Variants in NPIPB8 observed in about 807,000 individuals in gnomAD.
NPIPB8 encodes the protein nuclear pore complex-interacting protein family member B8.
A neutral mutation model predicts 5.3 loss-of-function variants in NPIPB8; 3 were observed. That is an observed-to-expected ratio of 0.57 (90% CI 0.26 to 1.47). The LOEUF (loss-of-function observed/expected upper bound fraction) is 1.47, where lower values mean the gene tolerates loss of function less well. Ranked by LOEUF, NPIPB8 falls within the 40% of genes most tolerant of loss-of-function variation. The pLI, the probability that NPIPB8 is intolerant of heterozygous loss-of-function variation, is 0.13. For synonymous variants in NPIPB8, 18 were observed against 23.0 expected (o/e 0.78, Z 0.62); for missense variants, 50 against 50.2 (o/e 1.00, Z 0.01).
At chr16:28,646,202 A>AT (rs1192097617) in intron 2 of NPIPB8, among the ~76,000 whole-genome samples, 14 of 13,210 alleles carry the variant, frequency 1.1e-3, no homozygotes, top group East Asian at 2.8e-3. Context: ...CACCTTGGTA[A>AT]TTTTTTTTTT....
In NPIPB8 at chr16:28,642,373, G is replaced by A. The variant is rs1041200484; in HGVS notation, c.120+3893G>A. Reference sequence around the variant, plus strand: ...CCTACCTCAGCCTCCCAGAGTGCTGGGATTACAGGTGTGAGCCACCATGCC... The same window carrying A: ...CCTACCTCAGCCTCCCAGAGTGCTGAGATTACAGGTGTGAGCCACCATGCC... On this transcript the variant is annotated intron_variant, in intron 2 of 7. Transcript: ENST00000683297. Among the ~76,000 whole-genome samples the A allele has an allele frequency of 2.2e-4, 33 of 152,222 alleles. 1 individual carries two copies. The highest frequency in any genetic ancestry group is 7.0e-4 in the African/African-American group (29 of 41,530).
intron 2 of NPIPB8, among the ~76,000 whole-genome samples, chr16:28,641,208 C>T (rs1427945283): frequency 6.6e-6 from 1 of 151,664 alleles, no homozygotes; most frequent in Non-Finnish European, 1.5e-5. Context: ...TAGAGAGATG[C>T]TCCATGAGGC....
intron 2 of NPIPB8, among the ~76,000 whole-genome samples, chr16:28,639,127 T>C (rs1019042057): frequency 2.0e-5 from 3 of 147,716 alleles, no homozygotes; most frequent in African/African-American, 7.5e-5. Flanking sequence ...CAACAGCTTC[T>C]AAACTACTTT....
chr16:28,639,428 GACACACACACAC>G (rs1040391463), intron 2 of NPIPB8, among the ~76,000 whole-genome samples: 1 of 135,436 alleles, frequency 7.4e-6, no homozygotes, highest in African/African-American at 3.0e-5. Flanking sequence ...CACACACACA[GACACACACACAC>G]ACACATATAT....
At chr16:28,650,795 T>C (rs2048028608) in intron 3 of NPIPB8, among the ~76,000 whole-genome samples, 1 of 14,812 alleles carries the variant, frequency 6.8e-5, no homozygotes, top group African/African-American at 7.2e-4. Context: ...AGAAGGAAGA[T>C]GCTCCAGTGC....
At chr16:28,639,935 A>C (rs1302982043) in intron 2 of NPIPB8, among the ~76,000 whole-genome samples, 3 of 150,966 alleles carry the variant, frequency 2.0e-5, no homozygotes, top group African/African-American at 7.4e-5. Context: ...TGCATCATGA[A>C]GCTACATGGC....
In NPIPB8 at chr16:28,644,580, G is replaced by A. The variant is rs778667778; in HGVS notation, c.121-3555G>A. On this transcript the variant is annotated intron_variant, in intron 2 of 7. Coordinates refer to ENST00000683297, the MANE Select transcript of NPIPB8 (RefSeq NM_001310136.2). ...CTGGACACCTCAGGGCGCCCTGAAAGGACCAGGACATGCGGCTGCGCTTTT... is the reference window on the plus strand; with the variant it reads ...CTGGACACCTCAGGGCGCCCTGAAAAGACCAGGACATGCGGCTGCGCTTTT... 5 of 1,470,858 alleles carry A rather than the reference G, an allele frequency of 3.4e-6. No homozygotes were observed. In the East Asian group the frequency reaches 8.3e-5, roughly 24 times the overall value. The allele number at this position is 1,470,858 out of a possible 1,614,324, so 91.1% of individuals were successfully genotyped here.
chr16:28,641,504 G>A (rs141160925), intron 2 of NPIPB8, among the ~76,000 whole-genome samples: 3,317 of 141,640 alleles, frequency 0.023, 238 homozygotes, highest in African/African-American at 0.079. Context: ...ATCCCCAGGA[G>A]TGCCCAGACC....
intron 2 of NPIPB8, among the ~76,000 whole-genome samples, chr16:28,640,342 C>G (rs2047873542): frequency 6.6e-6 from 1 of 152,128 alleles, no homozygotes; most frequent in South Asian, 2.1e-4. Context: ...CTCCTGTGCC[C>G]TGTGCCCCAC....
chr16:28,645,328 A>C (rs997795308), intron 2 of NPIPB8, among the ~76,000 whole-genome samples: 1 of 83,778 alleles, frequency 1.2e-5, no homozygotes, highest in African/African-American at 4.4e-5. Context: ...CGCCTGGCCA[A>C]AATATATAAC....
Position 28,638,137 on chromosome 16 carries a change from A to T in NPIPB8, c.-52A>T. 1.5e-6 allele frequency: 1 copy of T among 646,378 alleles called. No homozygotes were observed. The highest frequency in any genetic ancestry group is 2.9e-5 in the East Asian group (1 of 34,608). The allele number at this position is 646,378 out of a possible 1,614,324, so 40.0% of individuals were successfully genotyped here. A position where few individuals can be genotyped will look rare whatever the true frequency, so the allele number is the denominator to read the frequency against. ...TGAAACTATTGTTCCTGTTTCACAC[A>T]GAAGAAAACTGAGGTTAAAAGGGGT... On this transcript the variant is annotated 5_prime_UTR_variant, in exon 1 of 8. It introduces an in-frame stop codon into an upstream open reading frame of the 5' UTR. Coordinates refer to ENST00000683297, the MANE Select transcript of NPIPB8 (RefSeq NM_001310136.2).
At chr16:28,639,097 T>C (rs1334861569) in intron 2 of NPIPB8, among the ~76,000 whole-genome samples, 1 of 147,154 alleles carries the variant, frequency 6.8e-6, no homozygotes, top group Non-Finnish European at 1.5e-5. Context: ...TCCTGCAAAA[T>C]TTGAAAAGGA....
In NPIPB8 at chr16:28,644,215, G is replaced by T. The variant is rs556864311; in HGVS notation, c.121-3920G>T. 5.6e-5 allele frequency among the ~76,000 whole-genome samples: 5 copies of T among 89,682 alleles called. 2 individuals are homozygous for T. The highest frequency in any genetic ancestry group is 1.0e-4 in the Non-Finnish European group (5 of 48,224). 58.8% of individuals were successfully genotyped at this position (89,682 alleles called of 152,430 possible). A position where few individuals can be genotyped will look rare whatever the true frequency, so the allele number is the denominator to read the frequency against. ...AGAACCTTTTTGTCTCCCTCTCATT[G>T]CTCCTAAGCCTCACGCTCCCTTGTC... On this transcript the variant is annotated intron_variant, in intron 2 of 7. Transcript: ENST00000683297.
intron 2 of NPIPB8, among the ~76,000 whole-genome samples, chr16:28,641,118 A>G (rs3987687): frequency 1.4e-4 from 22 of 152,060 alleles, no homozygotes; most frequent in South Asian, 4.2e-4. Flanking sequence ...CCAAAACATC[A>G]TGGGGCCTGA....
chr16:28,642,240 G>A (rs1188203694), intron 2 of NPIPB8, among the ~76,000 whole-genome samples: 1 of 151,480 alleles, frequency 6.6e-6, no homozygotes, highest in Non-Finnish European at 1.5e-5. Context: ...TGAGTAGCTG[G>A]GATTACAGGT....
chr16:28,644,674 C>T (rs1299476841), intron 2 of NPIPB8: 10 of 1,371,254 alleles, frequency 7.3e-6, no homozygotes, highest in Admixed American at 2.4e-5. Context: ...ACGCTGGACC[C>T]GCGGGGTTTC....
intron 5 of NPIPB8, among the ~76,000 whole-genome samples, chr16:28,652,901 C>CTTTT (rs1197252358): frequency 4.4e-5 from 4 of 90,918 alleles, no homozygotes; most frequent in Admixed American, 1.1e-4. Context: ...CACACCCAGG[C>CTTTT]TTTTTTTTTT....
In NPIPB8 at chr16:28,643,017, G is replaced by A. The variant is rs186893551; in HGVS notation, c.120+4537G>A. ...TGTGGGAAGTTTAGCTGAGGACAGG[G>A]CCAGGAAAGGTGATAGACAGTGGGG... On this transcript the variant is annotated intron_variant, in intron 2 of 7. Transcript: ENST00000683297. 2.0e-3 allele frequency among the ~76,000 whole-genome samples: 311 copies of A among 152,270 alleles called. 1 individual carries two copies. Among genetic ancestry groups the A allele is most frequent in the African/African-American group, 6.9e-3 (287 of 41,542 alleles).
intron 3 of NPIPB8, among the ~76,000 whole-genome samples, chr16:28,651,658 C>T (rs1596687161): frequency 1.1e-5 from 1 of 93,556 alleles, no homozygotes; most frequent in East Asian, 2.6e-4. Context: ...GAGACAGAGT[C>T]TCATTCTGTC....
Sources: gnomAD v4.1 joint callset for allele counts (sites outside exome capture counted in the v4.1 genomes callset) on GRCh38, gnomAD v4.1.1 for gene constraint, MANE v1.5 for transcripts, NCBI Gene and HGNC (gene_info 2026-07-23, HGNC 2026-07-21) for gene names.